The following TBX4 variants were observed in gnomAD, a reference collection of about 807,000 sequenced individuals.
TBX4 encodes the protein T-box transcription factor TBX4.
Under a neutral mutation model 54.6 loss-of-function variants are expected in TBX4, and 13 were observed. The ratio of observed to expected loss-of-function variants is 0.24; its 90% CI spans 0.15 to 0.38. TBX4 has a LOEUF of 0.38. TBX4 is among the 10% of genes least tolerant of loss of function. The pLI is 1.00. For synonymous variants in TBX4, 314 were observed against 306.7 expected (o/e 1.02, Z -0.25); for missense variants, 631 against 728.5 (o/e 0.87, Z 1.54).
At position 61,465,376 on chromosome 17, in the gene TBX4, C is replaced by T. The variant is rs1447602572; in HGVS notation, c.282-443C>T. ...AGCAGCTGACGGGGGTTTCCGTCCC[C>T]CTATAACTGCACCCCAGAACTTCAC... On this transcript the variant is annotated intron_variant, in intron 3 of 8. Coordinates refer to ENST00000644296, the MANE Select transcript of TBX4 (RefSeq NM_001321120.2). This position sits in a 1 kb window ranked among gnomAD's most constrained non-coding sequence, Gnocchi z 4.9. Among the ~76,000 whole-genome samples, 2 of 152,186 alleles carry T rather than the reference C, an allele frequency of 1.3e-5. No individual in the cohort carries two copies. The highest frequency in any genetic ancestry group is 2.9e-5 in the Non-Finnish European group (2 of 68,032).
At chr17:61,477,941 C>CAAAAAAAAAAAAAAAAA (rs10617980) in intron 5 of TBX4, among the ~76,000 whole-genome samples, 2 of 88,628 alleles carry the variant, frequency 2.3e-5, no homozygotes, top group African/African-American at 4.0e-5. Flanking sequence ...GATTCCATCT[C>CAAAAAAAAAAAAAAAAA]AAAAAAAAAA....
At chr17:61,469,924 C>A (rs964430713) in intron 5 of TBX4, among the ~76,000 whole-genome samples, 2 of 152,192 alleles carry the variant, frequency 1.3e-5, no homozygotes, top group Non-Finnish European at 2.9e-5. Context: ...TCTGCACAAC[C>A]ACTTCTACGT....
chr17:61,469,526 C>T (rs781134654), intron 5 of TBX4, among the ~76,000 whole-genome samples: 2 of 152,222 alleles, frequency 1.3e-5, no homozygotes, highest in Non-Finnish European at 2.9e-5. Flanking sequence ...TTCATCCCCA[C>T]ACTTACCCAG....
chr17:61,453,331 A>G lies in TBX4; in HGVS notation c.-4+754A>G, dbSNP rs149351616. On this transcript the variant is annotated intron_variant, in intron 1 of 8. Transcript: ENST00000644296. ...GTAACAAATTACCAAACTGTAGGAA[A>G]CTAGCAAACGAACTGTAGGAGAAAG... Among the ~76,000 whole-genome samples, 1,084 of 152,340 alleles carry G rather than the reference A, an allele frequency of 7.1e-3. 53 individuals carry two copies. Among genetic ancestry groups the G allele is most frequent in the Admixed American group, 0.066 (1,010 of 15,300 alleles).
Position 61,483,220 on chromosome 17 carries a change from G to A in TBX4, c.1345G>A (p.Ala449Thr), listed in dbSNP as rs769578381. 26 of 1,614,046 alleles carry A rather than the reference G, an allele frequency of 1.6e-5. No individual in the cohort carries two copies. The highest frequency in any genetic ancestry group is 1.5e-4 in the African/African-American group (11 of 75,024). The change falls in exon 9 of 9, where the codon GCC (alanine) becomes ACC (threonine). Residue 449 changes from alanine (A) to threonine (T), a missense_variant. Coordinates refer to ENST00000644296, the MANE Select transcript of TBX4 (RefSeq NM_001321120.2). The surrounding 1 kb of genome is among the most constrained non-coding windows in gnomAD (Gnocchi z 6.6). ...CCAGCCCTTCCCCACGCACTTCACC[G>A]CCACCACCATGATGCCGCGGCTGCC... ...PYQPFPTHFTATTMMPRLPTL... is the reference protein window; with the variant it reads ...PYQPFPTHFTTTTMMPRLPTL...
At position 61,461,366 on chromosome 17, in the gene TBX4, T is replaced by G. The variant is rs1053608035; in HGVS notation, c.281+3735T>G. 2.6e-5 allele frequency among the ~76,000 whole-genome samples: 4 copies of G among 152,190 alleles called. No homozygotes were observed. Among genetic ancestry groups the G allele is most frequent in the African/African-American group, 9.7e-5 (4 of 41,450 alleles). ...TTGGCTACAGAAGGCTTGGTCTCAG[T>G]GTAGGTGGCACCAGCAGCCCCACTC... On this transcript the variant is annotated intron_variant, in intron 3 of 8. Transcript: ENST00000644296. This position sits in a 1 kb window ranked among gnomAD's most constrained non-coding sequence, Gnocchi z 5.1.
At position 61,476,540 on chromosome 17, in the gene TBX4, C is replaced by T. The variant is rs536460421; in HGVS notation, c.550-2087C>T. Among the ~76,000 whole-genome samples, 6 of 152,356 alleles carry T rather than the reference C, an allele frequency of 3.9e-5. No homozygotes were observed. The South Asian group carries it at 1.2e-3, about 32-fold the overall frequency. On this transcript the variant is annotated intron_variant, in intron 5 of 8. Coordinates refer to ENST00000644296, the MANE Select transcript of TBX4 (RefSeq NM_001321120.2). This position sits in a 1 kb window ranked among gnomAD's most constrained non-coding sequence, Gnocchi z 6.5. ...GGGGCTGGGAGGTGTTTTCCAGGCC[C>T]AGTTCCTCTCGCCACAGGAGCATCC... is the stretch of plus-strand genomic sequence containing the variant.
intron 1 of TBX4, among the ~76,000 whole-genome samples, chr17:61,456,224 C>T (rs1277548404): frequency 6.6e-6 from 1 of 152,216 alleles, no homozygotes; most frequent in Non-Finnish European, 1.5e-5. Context: ...CTCCCCTAGA[C>T]CTACTCATCA....
chr17:61,483,213 C>G lies in TBX4; in HGVS notation c.1338C>G (p.His446Gln). 6.2e-7 allele frequency: 1 copy of G among 1,614,204 alleles called. No individual in the cohort carries two copies. Among genetic ancestry groups the G allele is most frequent in the Non-Finnish European group, 8.5e-7 (1 of 1,180,026 alleles). ...ETVPYQPFPTHFTATTMMPRL... is the reference protein window; with the variant it reads ...ETVPYQPFPTQFTATTMMPRL... The stretch of plus-strand genomic sequence containing the variant: ...TGCCGTACCAGCCCTTCCCCACGCA[C>G]TTCACCGCCACCACCATGATGCCGC... The change falls in exon 9 of 9, where the codon CAC (histidine) becomes CAG (glutamine). Residue 446 changes from histidine to glutamine, a missense_variant. Transcript: ENST00000644296. The surrounding 1 kb of genome is among the most constrained non-coding windows in gnomAD (Gnocchi z 6.6).
chr17:61,471,037 G>A (rs1428070735), intron 5 of TBX4, among the ~76,000 whole-genome samples: 2 of 152,216 alleles, frequency 1.3e-5, no homozygotes, highest in South Asian at 2.1e-4. Context: ...GATTTCTGAC[G>A]CAGTGAGTCC....
Position 61,459,263 on chromosome 17 carries a change from G to A in TBX4, c.281+1632G>A, listed in dbSNP as rs34882685. 0.22 allele frequency among the ~76,000 whole-genome samples: 33,174 copies of A among 152,032 alleles called. 3,940 individuals are homozygous for A. The highest frequency in any genetic ancestry group is 0.32 in the East Asian group (1,628 of 5,158). On this transcript the variant is annotated intron_variant, in intron 3 of 8. Coordinates refer to ENST00000644296, the MANE Select transcript of TBX4 (RefSeq NM_001321120.2). This position sits in a 1 kb window ranked among gnomAD's most constrained non-coding sequence, Gnocchi z 4.8. The stretch of plus-strand genomic sequence containing the variant: ...TCTCCTTGTAGCTCAGTGGTGTCAG[G>A]GAAATGGTGACCGTAGACCTATCTG...
At chr17:61,455,885 T>A (rs1464077106) in intron 1 of TBX4, among the ~76,000 whole-genome samples, 2 of 151,386 alleles carry the variant, frequency 1.3e-5, no homozygotes, top group Non-Finnish European at 2.9e-5. Flanking sequence ...GGACGGGGAG[T>A]GTGTTGGAGT....
Position 61,456,499 on chromosome 17 carries a change from G to A in TBX4, c.9G>A (p.Gln3=). ...TGCTGTGCCCGCAGGAGATGCTGCA[G>A]GATAAGGGCCTGTCCGAGAGCGAGG... ML[Q]DKGLSESEEA... The change falls in exon 2 of 9, where the codon CAG becomes CAA. Residue 3 remains glutamine, a synonymous_variant. Transcript: ENST00000644296. The A allele has an allele frequency of 1.9e-6, 3 of 1,570,026 alleles. No individual in the cohort carries two copies.
intron 5 of TBX4, among the ~76,000 whole-genome samples, chr17:61,471,906 T>TA (rs1569039985): frequency 3.7e-4 from 54 of 145,076 alleles, no homozygotes; most frequent in African/African-American, 1.3e-3. Flanking sequence ...TTTTTTTTTT[T>TA]TTTTTTTTTT....
chr17:61,453,743 C>T (rs1355194857), intron 1 of TBX4, among the ~76,000 whole-genome samples: 1 of 152,042 alleles, frequency 6.6e-6, no homozygotes, highest in Non-Finnish European at 1.5e-5. Context: ...AAGATACTGT[C>T]GGGGTGTGTT....
At position 61,464,397 on chromosome 17, in the gene TBX4, C is replaced by T. The variant is rs927202318; in HGVS notation, c.282-1422C>T. ...TAGAGGCCTTGATCCTTTCTGGAAG[C>T]CCTGTTCTGTCCAGGTAAGCTGGTG... On this transcript the variant is annotated intron_variant, in intron 3 of 8. Coordinates refer to ENST00000644296, the MANE Select transcript of TBX4 (RefSeq NM_001321120.2). The surrounding 1 kb of genome is among the most constrained non-coding windows in gnomAD (Gnocchi z 5.8). 2.0e-5 allele frequency: 3 copies of T among 152,312 alleles called. No individual in the cohort carries two copies. Among genetic ancestry groups the T allele is most frequent in the African/African-American group, 7.2e-5 (3 of 41,462 alleles). 9.4% of individuals were successfully genotyped at this position (152,312 alleles called of 1,614,324 possible).
At position 61,460,575 on chromosome 17, in the gene TBX4, G is replaced by A. The variant is rs1239249788; in HGVS notation, c.281+2944G>A. Among the ~76,000 whole-genome samples, 2 of 152,094 alleles carry A rather than the reference G, an allele frequency of 1.3e-5. No individual in the cohort carries two copies. The highest frequency in any genetic ancestry group is 2.9e-5 in the Non-Finnish European group (2 of 68,006). Reference sequence around the variant, plus strand: ...TGTGAAATGGGGGCCACAGCCCTCCGCAGCCCGTCTCAGTCTCTTGGGTCT... The same window carrying A: ...TGTGAAATGGGGGCCACAGCCCTCCACAGCCCGTCTCAGTCTCTTGGGTCT... On this transcript the variant is annotated intron_variant, in intron 3 of 8. Transcript: ENST00000644296. This position sits in a 1 kb window ranked among gnomAD's most constrained non-coding sequence, Gnocchi z 4.4.
chr17:61,464,792 T>C lies in TBX4; in HGVS notation c.282-1027T>C, dbSNP rs983037138. 3.3e-5 allele frequency among the ~76,000 whole-genome samples: 5 copies of C among 152,118 alleles called. No homozygotes were observed. The highest frequency in any genetic ancestry group is 1.2e-4 in the African/African-American group (5 of 41,414). On this transcript the variant is annotated intron_variant, in intron 3 of 8. Transcript: ENST00000644296. This position sits in a 1 kb window ranked among gnomAD's most constrained non-coding sequence, Gnocchi z 5.8. ...CGCTGTGCTGTTGTGTGTGCGTATG[T>C]GCTGAGGGGTGTGCGGAAGCCCCCT...
rs1382722681 is a variant in TBX4, at chr17:61,461,939, C to T, written c.282-3880C>T. Among the ~76,000 whole-genome samples the T allele has an allele frequency of 2.6e-5, 4 of 151,990 alleles. No individual in the cohort carries two copies. Among genetic ancestry groups the T allele is most frequent in the East Asian group, 3.9e-4 (2 of 5,164 alleles). ...CCAGGTGGAGAGAATCTAGGGGTATCCCCTAGTCTCTGTCCCTTTCCCCAG... is the reference window on the plus strand; with the variant it reads ...CCAGGTGGAGAGAATCTAGGGGTATTCCCTAGTCTCTGTCCCTTTCCCCAG... On this transcript the variant is annotated intron_variant, in intron 3 of 8. Coordinates refer to ENST00000644296, the MANE Select transcript of TBX4 (RefSeq NM_001321120.2). The surrounding 1 kb of genome is among the most constrained non-coding windows in gnomAD (Gnocchi z 5.1).
Sources: gnomAD v4.1 joint callset for allele counts (sites outside exome capture counted in the v4.1 genomes callset) on GRCh38, gnomAD v4.1.1 for gene constraint, Gnocchi (gnomAD v3.1) non-coding constraint, MANE v1.5 for transcripts, NCBI Gene and HGNC (gene_info 2026-07-23, HGNC 2026-07-21) for gene names.